Variants in PREX1 observed in about 807,000 individuals in gnomAD.
PREX1 encodes phosphatidylinositol 3,4,5-trisphosphate-dependent Rac exchanger 1 protein.
PREX1 carries 41 observed loss-of-function variants against 198.3 expected under a neutral mutation model. That is an observed-to-expected ratio of 0.21 (90% confidence interval 0.16 to 0.27). The LOEUF is 0.27. Among genes scored for constraint, PREX1 ranks in the 10% least tolerant of loss-of-function variants. The pLI is 1.00. For missense variants in PREX1, 1,620 were observed against 2,200.7 expected (o/e 0.74, Z 5.28); for synonymous variants, 843 against 887.2 (o/e 0.95, Z 0.89).
chr20:48,676,355 C>T lies in PREX1; in HGVS notation c.1590-87G>A, dbSNP rs927874121. On this transcript the variant is annotated intron_variant, in intron 13 of 39. Transcript: ENST00000371941. ...TCCTGACTTCCCTGCAGGACGTGCC[C>T]ACGAGTCAAGGATCTCCAGGCTCTC... is the stretch of plus-strand genomic sequence containing the variant. 5.5e-6 allele frequency: 7 copies of T among 1,280,508 alleles called. No individual in the cohort carries two copies. In the African/African-American group the frequency reaches 7.3e-5, roughly 13 times the overall value. 79.3% of individuals were successfully genotyped at this position (1,280,508 alleles called of 1,614,324 possible).
intron 1 of PREX1, among the ~76,000 whole-genome samples, chr20:48,811,578 A>G (rs2090435600): frequency 1.3e-5 from 2 of 151,648 alleles, no homozygotes; most frequent in Admixed American, 6.6e-5. Flanking sequence ...CTGGATACAC[A>G]CACACACGTG....
At chr20:48,713,759 A>G (rs889135703) in intron 5 of PREX1, among the ~76,000 whole-genome samples, 1 of 64,332 alleles carries the variant, frequency 1.6e-5, no homozygotes, top group Non-Finnish European at 2.8e-5. Flanking sequence ...AAAAAAAAAA[A>G]GAGAGAGAGA....
chr20:48,689,034 A>G (rs1211978811), intron 9 of PREX1, among the ~76,000 whole-genome samples: 1 of 152,194 alleles, frequency 6.6e-6, no homozygotes, highest in Non-Finnish European at 1.5e-5. Flanking sequence ...CAAAGTTGAG[A>G]CCCAGAGAGG....
chr20:48,747,795 C>A lies in PREX1; in HGVS notation c.291+14G>T. The stretch of plus-strand genomic sequence containing the variant: ...CAGATGCTCTAGAACAGGGGCCAGC[C>A]CCAGCGTCCACACCTTGACATTCTC... On this transcript the variant is annotated intron_variant, in intron 2 of 39. Coordinates refer to ENST00000371941, the MANE Select transcript of PREX1 (RefSeq NM_020820.4). The A allele has an allele frequency of 6.2e-7, 1 of 1,609,260 alleles. No individual in the cohort carries two copies. Among genetic ancestry groups the A allele is most frequent in the South Asian group, 1.1e-5 (1 of 90,488 alleles).
At chr20:48,664,700 C>G (rs1399565121) in intron 15 of PREX1, among the ~76,000 whole-genome samples, 1 of 152,256 alleles carries the variant, frequency 6.6e-6, no homozygotes, top group Non-Finnish European at 1.5e-5. Context: ...GAGTGTGCAG[C>G]CTCTAAACCC....
intron 3 of PREX1, 149 bp downstream of exon 3, chr20:48,744,876 T>C (rs1038341486): frequency 8.2e-6 from 8 of 979,542 alleles, no homozygotes; most frequent in Middle Eastern, 3.3e-4. Context: ...GTTCCAGGGA[T>C]GCAGACTGGG....
chr20:48,723,882 T>C (rs1039086043), intron 5 of PREX1, among the ~76,000 whole-genome samples: 4 of 152,206 alleles, frequency 2.6e-5, no homozygotes, highest in Non-Finnish European at 5.9e-5. Flanking sequence ...TGTTAAAATA[T>C]GTCACGGAAG....
At chr20:48,651,727 G>T in intron 21 of PREX1, 144 bp from the exon 22 acceptor site, 2 of 765,840 alleles carry the variant, frequency 2.6e-6, no homozygotes, top group Non-Finnish European at 4.1e-6. Flanking sequence ...CGCCAGAGTA[G>T]AGAGGCGAGT....
chr20:48,649,031 T>C (rs1285189482), intron 25 of PREX1, among the ~76,000 whole-genome samples: 2 of 152,192 alleles, frequency 1.3e-5, no homozygotes, highest in East Asian at 3.9e-4. Context: ...ATCCATAATA[T>C]TTCATTACAC....
At chr20:48,752,037 T>A (rs1413649525) in intron 1 of PREX1, among the ~76,000 whole-genome samples, 1 of 152,122 alleles carries the variant, frequency 6.6e-6, no homozygotes. Flanking sequence ...ATGTTCTATA[T>A]CTTGATCTGA....
the PREX1 span, among the ~76,000 whole-genome samples, chr20:48,878,343 T>A: frequency 3.9e-5 from 6 of 151,958 alleles, no homozygotes; most frequent in Admixed American, 3.9e-4. Flanking sequence ...AGAATTCCCC[T>A]TTTTCTTTTT....
the PREX1 span, among the ~76,000 whole-genome samples, chr20:48,833,600 C>G: frequency 6.6e-6 from 1 of 151,998 alleles, no homozygotes; most frequent in African/African-American, 2.4e-5. Flanking sequence ...CGCCACCACG[C>G]CCAGCTAATT....
chr20:48,701,029 C>T lies in PREX1; in HGVS notation c.784-143G>A, dbSNP rs12624769. The T allele has an allele frequency of 2.6e-3, 2,906 of 1,137,292 alleles. 76 individuals are homozygous for T. The East Asian group carries it at 0.061, about 24-fold the overall frequency. The allele number at this position is 1,137,292 out of a possible 1,614,324, so 70.5% of individuals were successfully genotyped here. ...GTCAATGGACAGAAAATCAACACAA[C>T]GTGATTAGTGGCTTCTATCTGCTGA... is the stretch of plus-strand genomic sequence containing the variant. On this transcript the variant is annotated intron_variant, in intron 6 of 39. Transcript: ENST00000371941.
the PREX1 span, among the ~76,000 whole-genome samples, chr20:48,857,082 A>C: frequency 6.6e-6 from 1 of 152,160 alleles, no homozygotes; most frequent in African/African-American, 2.4e-5. Flanking sequence ...CAGGTGATCC[A>C]CACTCCTCGG....
intron 22 of PREX1, 140 bp downstream of exon 22, chr20:48,651,256 G>T (rs762007886): frequency 5.2e-6 from 7 of 1,347,040 alleles, no homozygotes; most frequent in Non-Finnish European, 6.9e-6. Flanking sequence ...GTGGGACAAG[G>T]ACCAGAATTC....
At chr20:48,690,760 G>A (rs1320831748) in intron 9 of PREX1, among the ~76,000 whole-genome samples, 187 bp downstream of exon 9, 3 of 152,066 alleles carry the variant, frequency 2.0e-5, no homozygotes, top group Non-Finnish European at 2.9e-5. Context: ...TTGTCTAGTG[G>A]GCAATCTCTG....
chr20:48,736,284 C>T (rs191957687), intron 3 of PREX1, among the ~76,000 whole-genome samples: 110 of 152,254 alleles, frequency 7.2e-4, no homozygotes, highest in Non-Finnish European at 1.4e-3. Context: ...ACCCACAGTG[C>T]ACCCCCATAC....
chr20:48,659,813 C>T (rs1205284237), intron 16 of PREX1, 106 bp downstream of exon 16: 11 of 1,498,398 alleles, frequency 7.3e-6, no homozygotes, highest in African/African-American at 1.4e-5. Context: ...TATTCTGGTA[C>T]TCCAAGCTGA....
chr20:48,742,184 G>T (rs2090085592), intron 3 of PREX1, among the ~76,000 whole-genome samples: 1 of 152,260 alleles, frequency 6.6e-6, no homozygotes, highest in African/African-American at 2.4e-5. Flanking sequence ...ATGATAGATC[G>T]CCTGGAATGG....
Sources: allele counts gnomAD v4.1 joint callset (sites outside exome capture counted in the v4.1 genomes callset), GRCh38; gene constraint gnomAD v4.1.1; transcripts MANE v1.5; gene names NCBI Gene and HGNC (gene_info 2026-07-23, HGNC 2026-07-21).